Variants in TMEFF2 observed in about 807,000 individuals in gnomAD.
TMEFF2 encodes the protein tomoregulin-2.
TMEFF2 carries 28 observed loss-of-function variants against 53.8 expected under a neutral mutation model. The ratio of observed to expected loss-of-function variants is 0.52; its 90% confidence interval spans 0.39 to 0.71. The LOEUF (loss-of-function observed/expected upper bound fraction) is 0.71. Among genes scored for constraint, TMEFF2 ranks in the 30% least tolerant of loss-of-function variants. The probability of loss-of-function intolerance (pLI) is 0.00; values close to 1 mark genes in which losing one functional copy is unlikely to be tolerated. For synonymous variants in TMEFF2, 162 were observed against 166.3 expected (o/e 0.97, Z 0.20); for missense variants, 353 against 455.2 (o/e 0.78, Z 2.04).
At chr2:192,039,885 T>A (rs1030107209) in intron 5 of TMEFF2, among the ~76,000 whole-genome samples, 13 of 152,122 alleles carry the variant, frequency 8.5e-5, no homozygotes, top group Non-Finnish European at 1.6e-4. Flanking sequence ...ACAGTGGCCA[T>A]GTATTCCTCA....
At chr2:192,048,831 C>T (rs1011005352) in intron 5 of TMEFF2, among the ~76,000 whole-genome samples, 1 of 152,152 alleles carries the variant, frequency 6.6e-6, no homozygotes, top group South Asian at 2.1e-4. Flanking sequence ...GCTAAAAAAA[C>T]CTCAGGTTTT....
intron 5 of TMEFF2, among the ~76,000 whole-genome samples, chr2:192,040,389 T>C (rs1203507628): frequency 6.6e-6 from 1 of 152,200 alleles, no homozygotes; most frequent in Non-Finnish European, 1.5e-5. Flanking sequence ...TATGTTTACC[T>C]TTTGTCATAG....
chr2:191,991,484 T>A (rs1686106059), intron 7 of TMEFF2, among the ~76,000 whole-genome samples: 1 of 152,092 alleles, frequency 6.6e-6, no homozygotes, highest in Admixed American at 6.6e-5. Flanking sequence ...CTTCAATCCT[T>A]TGGAAGTAGA....
At chr2:192,096,750 C>T (rs1467942037) in intron 4 of TMEFF2, among the ~76,000 whole-genome samples, 40 of 135,658 alleles carry the variant, frequency 2.9e-4, no homozygotes, top group Admixed American at 1.2e-3. Context: ...AATCTCAGCT[C>T]ACTGCAACCT....
intron 7 of TMEFF2, among the ~76,000 whole-genome samples, chr2:191,972,308 CTTTTTTT>C (rs764218539): frequency 5.5e-5 from 4 of 72,826 alleles, no homozygotes; most frequent in African/African-American, 1.2e-4. Flanking sequence ...TCATGCCCAG[CTTTTTTT>C]TTTTTTTTTT....
intron 5 of TMEFF2, among the ~76,000 whole-genome samples, chr2:192,029,840 A>AT (rs1465266100): frequency 6.6e-6 from 1 of 152,250 alleles, no homozygotes; most frequent in Non-Finnish European, 1.5e-5. Context: ...CTAAAAATAA[A>AT]TTCAGTGAGA....
At chr2:192,085,672 A>G (rs994948621) in intron 4 of TMEFF2, among the ~76,000 whole-genome samples, 7 of 151,878 alleles carry the variant, frequency 4.6e-5, no homozygotes, top group African/African-American at 1.4e-4. Flanking sequence ...GAAGAAATCC[A>G]TATCTATGGA....
At chr2:192,078,670 T>C (rs1332697336) in intron 4 of TMEFF2, among the ~76,000 whole-genome samples, 1 of 152,200 alleles carries the variant, frequency 6.6e-6, no homozygotes, top group East Asian at 1.9e-4. Context: ...TAAATCTCAA[T>C]ACAAATGAAA....
intron 5 of TMEFF2, among the ~76,000 whole-genome samples, chr2:192,056,462 G>C (rs1252511261): frequency 6.6e-6 from 1 of 152,058 alleles, no homozygotes; most frequent in East Asian, 1.9e-4. Flanking sequence ...AAAAAAGGCT[G>C]CTGCTTTTCA....
intron 7 of TMEFF2, among the ~76,000 whole-genome samples, chr2:191,966,645 A>C (rs1016190514): frequency 2.0e-5 from 3 of 152,214 alleles, no homozygotes; most frequent in African/African-American, 7.2e-5. Flanking sequence ...AAGCAAAACA[A>C]AACAAAAAAC....
intron 4 of TMEFF2, among the ~76,000 whole-genome samples, chr2:192,085,350 C>T (rs77191839): frequency 7.9e-5 from 12 of 152,166 alleles, no homozygotes; most frequent in Admixed American, 1.3e-4. Flanking sequence ...GCAGCACATT[C>T]GGCGAGGCCA....
intron 8 of TMEFF2, 85 bp from the exon 9 acceptor site, chr2:191,953,922 C>T (rs1691975397): frequency 9.8e-7 from 1 of 1,021,812 alleles, no homozygotes; most frequent in South Asian, 1.8e-5. Context: ...CGGAGTCTCG[C>T]TCTGTCGCCC....
chr2:192,119,821 T>C (rs1049815918), intron 4 of TMEFF2, among the ~76,000 whole-genome samples: 11 of 152,180 alleles, frequency 7.2e-5, no homozygotes, highest in African/African-American at 2.4e-5. Flanking sequence ...CATGTAGGTG[T>C]TGTATGCCTT....
intron 4 of TMEFF2, among the ~76,000 whole-genome samples, chr2:192,068,310 A>G (rs552467046): frequency 6.6e-6 from 1 of 152,048 alleles, no homozygotes; most frequent in African/African-American, 2.4e-5. Context: ...TCCACGGCTG[A>G]GCATCTCAAA....
At position 192,052,773 on chromosome 2, in the gene TMEFF2, C is replaced by T. The variant is rs1574329333; in HGVS notation, c.536+4906G>A. On this transcript the variant is annotated intron_variant, in intron 5 of 9. Coordinates refer to ENST00000272771, the MANE Select transcript of TMEFF2 (RefSeq NM_016192.4). Reference sequence around the variant, plus strand: ...TTTAATCCCTTTCTTCTTCTCTTAACCCCTTCCCCATAAACAGGCACACAC... The same window carrying T: ...TTTAATCCCTTTCTTCTTCTCTTAATCCCTTCCCCATAAACAGGCACACAC... Among the ~76,000 whole-genome samples the T allele has an allele frequency of 3.3e-5, 5 of 152,244 alleles. 1 individual carries two copies. The highest frequency in any genetic ancestry group is 2.6e-4 in the Admixed American group (4 of 15,290).
rs185827684 is a variant in TMEFF2 at position 192,047,120 on chromosome 2, C to T, written c.536+10559G>A. 2.5e-3 allele frequency among the ~76,000 whole-genome samples: 386 copies of T among 152,104 alleles called. 7 individuals are homozygous for T. Among genetic ancestry groups the T allele is most frequent in the African/African-American group, 7.6e-3 (314 of 41,506 alleles). ...TATTTTAGTTGAGACAAGGTTTCAC[C>T]GTGTTGCCCAGGTTGGTCACAAACT... On this transcript the variant is annotated intron_variant, in intron 5 of 9. Transcript: ENST00000272771.
At chr2:191,977,862 T>C (rs114167601) in intron 7 of TMEFF2, among the ~76,000 whole-genome samples, 2,346 of 152,296 alleles carry the variant, frequency 0.015, 34 homozygotes, top group Non-Finnish European at 0.023. Context: ...TTTTTATGTT[T>C]GATGGAATGA....
intron 4 of TMEFF2, among the ~76,000 whole-genome samples, chr2:192,130,843 CAGAGAAGGGGTAGAGACAAGG>C (rs1689804583): frequency 6.6e-6 from 1 of 151,840 alleles, no homozygotes; most frequent in African/African-American, 2.4e-5. Flanking sequence ...CCTGGGAAAG[CAGAGAAGGGGTAGAGACAAGG>C]AGAGAAGGGG....
Position 192,009,613 on chromosome 2 carries a change from TA to T in TMEFF2, c.537-10406del, listed in dbSNP as rs1431640003. On this transcript the variant is annotated intron_variant, in intron 5 of 9. Coordinates refer to ENST00000272771, the MANE Select transcript of TMEFF2 (RefSeq NM_016192.4). ...GGGTCAATTTACTTTAAATTTACTT[TA>T]AAAAATAATATTTAATACATATTAT... Among the ~76,000 whole-genome samples the T allele has an allele frequency of 4.6e-5, 7 of 152,214 alleles. No individual in the cohort carries two copies. The South Asian group carries it at 1.5e-3, about 32-fold the overall frequency.
Sources: gnomAD v4.1 joint callset for allele counts (sites outside exome capture counted in the v4.1 genomes callset) on GRCh38, gnomAD v4.1.1 for gene constraint, MANE v1.5 for transcripts, NCBI Gene and HGNC (gene_info 2026-07-23, HGNC 2026-07-21) for gene names.